The following CSMD1 variants were observed in gnomAD, a reference collection of about 807,000 sequenced individuals.
CSMD1 encodes CUB and sushi domain-containing protein 1.
In CSMD1, 213 loss-of-function variants were observed where a neutral mutation model predicts 417.5. The observed-to-expected ratio is 0.51, with a 90% CI of 0.46 to 0.57. The LOEUF is 0.57. CSMD1 is among the 20% of genes least tolerant of loss of function. CSMD1 has a pLI of 0.00. For synonymous variants in CSMD1, 2,862 were observed against 1,736.8 expected (o/e 1.65, Z -16.11); for missense variants, 6,923 against 4,529.7 (o/e 1.53, Z -15.17).
chr8:4,297,874 C>G lies in CSMD1; in HGVS notation c.415+122079G>C, dbSNP rs530813423. Among the ~76,000 whole-genome samples, 25 of 152,184 alleles carry G rather than the reference C, an allele frequency of 1.6e-4. 1 individual carries two copies. The highest frequency in any genetic ancestry group is 1.5e-3 in the East Asian group (8 of 5,186). ...TTGCTGGTGGTCCTGCACTTTAAAA[C>G]AAGAAAATTTATCGAATGTTTTAAA... On this transcript the variant is annotated intron_variant, in intron 3 of 69. Transcript: ENST00000635120.
At chr8:4,967,622 C>G (rs1045219489) in intron 1 of CSMD1, among the ~76,000 whole-genome samples, 5 of 152,038 alleles carry the variant, frequency 3.3e-5, no homozygotes, top group Non-Finnish European at 7.4e-5. Context: ...TACTTCGGTT[C>G]TATGTTCAGT....
At chr8:4,118,458 A>C (rs986029591) in intron 3 of CSMD1, among the ~76,000 whole-genome samples, 1 of 141,080 alleles carries the variant, frequency 7.1e-6, no homozygotes, top group Non-Finnish European at 1.5e-5. Flanking sequence ...TCTCAAAAGA[A>C]GACATTTATG....
intron 5 of CSMD1, among the ~76,000 whole-genome samples, chr8:3,765,074 C>G (rs1465193811): frequency 6.6e-6 from 1 of 152,112 alleles, no homozygotes; most frequent in Non-Finnish European, 1.5e-5. Context: ...AAATATTTTT[C>G]ATAGCTTTCA....
chr8:4,183,661 C>T (rs1442765286), intron 3 of CSMD1, among the ~76,000 whole-genome samples: 3 of 152,136 alleles, frequency 2.0e-5, no homozygotes, highest in Non-Finnish European at 2.9e-5. Flanking sequence ...CTTACAAATA[C>T]TTAACAAAAA....
chr8:3,365,743 G>C (rs951262835), intron 20 of CSMD1, among the ~76,000 whole-genome samples: 12 of 152,206 alleles, frequency 7.9e-5, no homozygotes, highest in African/African-American at 2.7e-4. Context: ...GGCGTCAAGA[G>C]TTACCCTCAG....
intron 12 of CSMD1, among the ~76,000 whole-genome samples, chr8:3,436,498 T>C (rs1814575938): frequency 6.6e-6 from 1 of 152,216 alleles, no homozygotes; most frequent in Non-Finnish European, 1.5e-5. Flanking sequence ...ATGCATAAAA[T>C]TAATTATGTA....
chr8:4,732,002 A>T (rs1241487403), intron 1 of CSMD1, among the ~76,000 whole-genome samples: 1 of 152,110 alleles, frequency 6.6e-6, no homozygotes, highest in Non-Finnish European at 1.5e-5. Flanking sequence ...GAGAGAAAAA[A>T]CGAGAAGACT....
chr8:3,198,256 C>A (rs914004276), intron 33 of CSMD1, among the ~76,000 whole-genome samples: 5 of 152,266 alleles, frequency 3.3e-5, no homozygotes, highest in South Asian at 4.1e-4. Flanking sequence ...AGGAAAGCCC[C>A]TTATAAAGGC....
At chr8:4,632,807 G>A (rs1802603149) in intron 2 of CSMD1, among the ~76,000 whole-genome samples, 2 of 152,252 alleles carry the variant, frequency 1.3e-5, no homozygotes, top group South Asian at 4.1e-4. Flanking sequence ...TAAATATAAT[G>A]TGCACTGCGT....
intron 3 of CSMD1, among the ~76,000 whole-genome samples, chr8:4,271,908 G>A (rs931403966): frequency 6.6e-6 from 1 of 152,088 alleles, no homozygotes; most frequent in Non-Finnish European, 1.5e-5. Flanking sequence ...GGATTGGTTC[G>A]AGGATCCCCA....
intron 2 of CSMD1, among the ~76,000 whole-genome samples, chr8:4,459,883 G>C (rs1015330697): frequency 1.3e-5 from 2 of 152,074 alleles, no homozygotes; most frequent in East Asian, 3.9e-4. Flanking sequence ...ATATAAAACA[G>C]AACCTGACAA....
intron 1 of CSMD1, among the ~76,000 whole-genome samples, chr8:4,667,617 G>T (rs1428113007): frequency 6.6e-6 from 1 of 151,898 alleles, no homozygotes; most frequent in Non-Finnish European, 1.5e-5. Flanking sequence ...GTATTGGAAC[G>T]CTATTGCATA....
intron 6 of CSMD1, among the ~76,000 whole-genome samples, chr8:3,752,316 A>G (rs980224183): frequency 6.6e-6 from 1 of 152,168 alleles, no homozygotes; most frequent in African/African-American, 2.4e-5. Flanking sequence ...TTCCGGCAAC[A>G]TCAGAAGGCA....
chr8:4,568,734 C>T (rs981527429), intron 2 of CSMD1, among the ~76,000 whole-genome samples: 2 of 152,142 alleles, frequency 1.3e-5, no homozygotes, highest in African/African-American at 4.8e-5. Context: ...TACACTCCCA[C>T]CAACAGTGTA....
intron 2 of CSMD1, among the ~76,000 whole-genome samples, chr8:4,424,224 A>T (rs778087814): frequency 6.6e-5 from 10 of 152,064 alleles, no homozygotes; most frequent in Non-Finnish European, 1.3e-4. Flanking sequence ...CTTTGGCTGC[A>T]AAAGACCGCA....
intron 6 of CSMD1, among the ~76,000 whole-genome samples, chr8:3,727,427 T>C (rs972597864): frequency 6.6e-6 from 1 of 152,158 alleles, no homozygotes; most frequent in Non-Finnish European, 1.5e-5. Context: ...GGGCTTTTCC[T>C]GTCTAATATT....
chr8:4,115,954 G>A lies in CSMD1; in HGVS notation c.416-83855C>T, dbSNP rs1158276129. ...GAGAAGTAAACACCAAGAAAACAGG[G>A]TTTTCATTATTTTATTTATTTATTT... On this transcript the variant is annotated intron_variant, in intron 3 of 69. Coordinates refer to ENST00000635120, the MANE Select transcript of CSMD1 (RefSeq NM_033225.6). Among the ~76,000 whole-genome samples, 8 of 150,090 alleles carry A rather than the reference G, an allele frequency of 5.3e-5. No homozygotes were observed. In the East Asian group the frequency reaches 1.4e-3, roughly 26 times the overall value.
chr8:4,661,173 T>C (rs929168595), intron 1 of CSMD1, among the ~76,000 whole-genome samples: 2 of 152,212 alleles, frequency 1.3e-5, no homozygotes, highest in East Asian at 1.9e-4. Flanking sequence ...TGAAATTTTA[T>C]AGCAGCGTTA....
chr8:4,041,526 G>A (rs936051639), intron 3 of CSMD1, among the ~76,000 whole-genome samples: 2 of 152,084 alleles, frequency 1.3e-5, no homozygotes, highest in Non-Finnish European at 2.9e-5. Flanking sequence ...GAATGTTCAA[G>A]AATATTTATG....
Sources: allele counts gnomAD v4.1 joint callset (sites outside exome capture counted in the v4.1 genomes callset), GRCh38; gene constraint gnomAD v4.1.1; transcripts MANE v1.5; gene names NCBI Gene and HGNC (gene_info 2026-07-23, HGNC 2026-07-21).